ABHD10: variants seen among roughly 807,000 people sequenced by gnomAD.
The protein encoded by ABHD10 is abhydrolase domain containing 10, depalmitoylase, also known as palmitoyl-protein thioesterase ABHD10, mitochondrial.
Under a neutral mutation model 33.1 loss-of-function variants are expected in ABHD10, and 22 were observed. That is an observed-to-expected ratio of 0.66 (90% CI 0.47 to 0.95). ABHD10 has a LOEUF of 0.95. Among genes scored for constraint, ABHD10 ranks in the 40% least tolerant of loss-of-function variants. The probability of loss-of-function intolerance (pLI) is 0.00; values close to 1 mark genes in which losing one functional copy is unlikely to be tolerated. For missense variants in ABHD10, 352 were observed against 379.9 expected, an observed-to-expected ratio of 0.93 and a Z score of 0.61; for synonymous variants, 146 against 133.9, an observed-to-expected ratio of 1.09 and a Z score of -0.62.
rs760479425 is a variant in ABHD10 at position 111,979,072 on chromosome 3, C to G, written c.11C>G (p.Ala4Gly). MAV[A>G]RLAAVAAWVP... ...GGGACAACTACGAAGATGGCGGTTGCGCGCTTGGCAGCTGTGGCGGCCTGG... is the reference window on the plus strand; with the variant it reads ...GGGACAACTACGAAGATGGCGGTTGGGCGCTTGGCAGCTGTGGCGGCCTGG... The change falls in exon 1 of 5, where the codon GCG becomes GGG. Residue 4 changes from alanine to glycine, a missense_variant. Ala to Gly is a moderately conservative substitution (Grantham distance 60). Transcript: ENST00000273359. The G allele has an allele frequency of 6.2e-7, 1 of 1,612,736 alleles. No homozygotes were observed. The highest frequency in any genetic ancestry group is 8.5e-7 in the Non-Finnish European group (1 of 1,179,424).
chr3:111,979,042 G>T lies in ABHD10; in HGVS notation c.-20G>T, dbSNP rs746333403. 2.5e-6 allele frequency: 4 copies of T among 1,610,738 alleles called. No homozygotes were observed. The highest frequency in any genetic ancestry group is 1.1e-5 in the South Asian group (1 of 90,728). ...GTGTCCCTCAGTGGGACACTGCAGG[G>T]TGCGGGGACAACTACGAAGATGGCG... On this transcript the variant is annotated 5_prime_UTR_variant, in exon 1 of 5. Coordinates refer to ENST00000273359, the MANE Select transcript of ABHD10 (RefSeq NM_018394.4).
chr3:111,983,547 G>A (rs1406402001), intron 2 of ABHD10, among the ~76,000 whole-genome samples: 1 of 127,272 alleles, frequency 7.9e-6, no homozygotes, highest in African/African-American at 3.0e-5. Flanking sequence ...TCTTATCAAA[G>A]TTCATCACAG....
At chr3:111,985,766 T>G (rs1022190377) in intron 2 of ABHD10, among the ~76,000 whole-genome samples, 13 of 150,662 alleles carry the variant, frequency 8.6e-5, no homozygotes, top group African/African-American at 3.2e-4. Context: ...AGAGAAAAGC[T>G]GATGAGATGG....
At chr3:111,981,252 C>T (rs540822337) in intron 1 of ABHD10, among the ~76,000 whole-genome samples, 1 of 147,074 alleles carries the variant, frequency 6.8e-6, no homozygotes, top group African/African-American at 2.5e-5. Context: ...GTCCAGGCTG[C>T]CGTAAGCTAG....
chr3:111,987,698 G>A (rs913805168), intron 4 of ABHD10, among the ~76,000 whole-genome samples: 2 of 152,174 alleles, frequency 1.3e-5, no homozygotes, highest in Non-Finnish European at 2.9e-5. Context: ...AAAAAAGACT[G>A]TACACGTTCA....
chr3:111,991,805 G>T lies in ABHD10; in HGVS notation c.*84G>T. On this transcript the variant is annotated 3_prime_UTR_variant, in exon 5 of 5. Transcript: ENST00000273359. ...GAAATGAAAGATCCTGATACTTTAG[G>T]TTTTTCCCTTTCCTCTATTTTGTAA... 1 of 1,095,944 alleles carries T rather than the reference G, an allele frequency of 9.1e-7. No homozygotes were observed. Among genetic ancestry groups the T allele is most frequent in the Non-Finnish European group, 1.3e-6 (1 of 776,228 alleles). The allele number at this position is 1,095,944 out of a possible 1,614,324, so 67.9% of individuals were successfully genotyped here. A position where few individuals can be genotyped will look rare whatever the true frequency, so the allele number is the denominator to read the frequency against.
intron 1 of ABHD10, 34 bp downstream of exon 1, chr3:111,979,237 C>T (rs747676706): frequency 1.7e-5 from 27 of 1,568,206 alleles, no homozygotes; most frequent in Non-Finnish European, 2.2e-5. Context: ...AGGATGCGTT[C>T]TTTCGAACGC....
chr3:111,979,939 T>C (rs1026824830), intron 1 of ABHD10, among the ~76,000 whole-genome samples: 1 of 152,232 alleles, frequency 6.6e-6, no homozygotes, highest in African/African-American at 2.4e-5. Context: ...TCAGATTAAC[T>C]TGCATTTAAT....
chr3:111,991,671 G>A lies in ABHD10; in HGVS notation c.871G>A (p.Val291Ile). The A allele has an allele frequency of 6.2e-7, 1 of 1,613,952 alleles. No individual in the cohort carries two copies. Among genetic ancestry groups the A allele is most frequent in the Non-Finnish European group, 8.5e-7 (1 of 1,179,920 alleles). Residue 291 changes from valine (V) to isoleucine (I), a missense_variant, in exon 5 of 5, where the codon GTT becomes ATT. Physicochemically the swap from Val to Ile is conservative, Grantham distance 29. Coordinates refer to ENST00000273359, the MANE Select transcript of ABHD10 (RefSeq NM_018394.4). ...MREKADIQLL[V>I]YTIDDLIDKL... ...GGAAAAAGCAGACATTCAACTTCTT[G>A]TTTACACTATTGATGACTTAATTGA...
At position 111,991,688 on chromosome 3, in the gene ABHD10, C is replaced by G; in HGVS notation, c.888C>G (p.Asp296Glu). ...AACTTCTTGTTTACACTATTGATGA[C>G]TTAATTGATAAGCTCTCAACTATAG... The part of the protein sequence containing the change: ...DIQLLVYTID[D>E]LIDKLSTIVN The change falls in exon 5 of 5, where the codon GAC becomes GAG. Residue 296 changes from aspartate (D) to glutamate (E), a missense_variant. Physicochemically the swap from Asp to Glu is conservative, Grantham distance 45. Transcript: ENST00000273359. 2 of 1,613,702 alleles carry G rather than the reference C, an allele frequency of 1.2e-6. No homozygotes were observed. The highest frequency in any genetic ancestry group is 1.7e-6 in the Non-Finnish European group (2 of 1,179,786).
At position 111,987,013 on chromosome 3, in the gene ABHD10, G is replaced by A; in HGVS notation, c.538G>A (p.Asp180Asn). 1 of 1,612,996 alleles carries A rather than the reference G, an allele frequency of 6.2e-7. No homozygotes were observed. The highest frequency in any genetic ancestry group is 8.5e-7 in the Non-Finnish European group (1 of 1,179,826). ...TCTTATTGGTGTAGCTACAGCTGCAGATACCTTAGTGACAAAGTTTAATCA... is the reference window on the plus strand; with the variant it reads ...TCTTATTGGTGTAGCTACAGCTGCAAATACCTTAGTGACAAAGTTTAATCA... ...VALIGVATAA[D>N]TLVTKFNQLP... Residue 180 changes from aspartate to asparagine, a missense_variant, in exon 4 of 5, where the codon GAT becomes AAT. Transcript: ENST00000273359.
intron 4 of ABHD10, among the ~76,000 whole-genome samples, chr3:111,988,891 T>C (rs1391060030): frequency 1.3e-5 from 2 of 152,198 alleles, no homozygotes; most frequent in Non-Finnish European, 2.9e-5. Flanking sequence ...TGCCTGGCCA[T>C]GTACATTTCT....
intron 2 of ABHD10, among the ~76,000 whole-genome samples, chr3:111,985,634 C>T (rs2072647292): frequency 7.7e-6 from 1 of 129,518 alleles, no homozygotes; most frequent in Non-Finnish European, 1.7e-5. Flanking sequence ...ATGAAAGCAG[C>T]ACAGTTTTAA....
intron 1 of ABHD10, among the ~76,000 whole-genome samples, chr3:111,979,414 C>T (rs542334224): frequency 6.6e-6 from 1 of 152,252 alleles, no homozygotes; most frequent in Non-Finnish European, 1.5e-5. Flanking sequence ...GCACCCCGGG[C>T]CCTCGCTGGC....
chr3:111,983,872 G>C (rs764178572), intron 2 of ABHD10, among the ~76,000 whole-genome samples: 1 of 152,190 alleles, frequency 6.6e-6, no homozygotes, highest in Admixed American at 6.5e-5. Context: ...AGGCTGCTAA[G>C]ATGGAGATGT....
intron 2 of ABHD10, 195 bp downstream of exon 2, chr3:111,982,162 C>T (rs768632727): frequency 2.2e-5 from 9 of 412,444 alleles, no homozygotes; most frequent in Non-Finnish European, 3.7e-5. Flanking sequence ...CTTTGTGCCA[C>T]GCTGACAACC....
chr3:111,986,370 C>A lies in ABHD10; in HGVS notation c.433C>A (p.Pro145Thr). 6.3e-7 allele frequency: 1 copy of A among 1,597,724 alleles called. No homozygotes were observed. The highest frequency in any genetic ancestry group is 8.6e-7 in the Non-Finnish European group (1 of 1,165,652). ...TATAATTGATGACTTAGCTGATGGG[C>A]CACAGGTGACTGTTTTGTTAAGTAT... ...LSIIDDLADG[P>T]QILVGSSLGG... Residue 145 changes from proline to threonine, a missense_variant, in exon 3 of 5, where the codon CCA becomes ACA. Physicochemically the swap from Pro to Thr is conservative, Grantham distance 38. Coordinates refer to ENST00000273359, the MANE Select transcript of ABHD10 (RefSeq NM_018394.4).
At chr3:111,980,025 TATA>T (rs1249403788) in intron 1 of ABHD10, among the ~76,000 whole-genome samples, 2 of 152,362 alleles carry the variant, frequency 1.3e-5, no homozygotes, top group Middle Eastern at 3.4e-3. Flanking sequence ...TTAACCAGAG[TATA>T]ATATTATTTC....
intron 2 of ABHD10, among the ~76,000 whole-genome samples, chr3:111,984,216 C>G (rs182149889): frequency 1.3e-5 from 2 of 152,276 alleles, no homozygotes; most frequent in Admixed American, 1.3e-4. Context: ...GAAACAGTAA[C>G]TGATTTAGAC....
Sources: gnomAD v4.1 joint callset for allele counts (sites outside exome capture counted in the v4.1 genomes callset) on GRCh38, gnomAD v4.1.1 for gene constraint, MANE v1.5 for transcripts, NCBI Gene and HGNC (gene_info 2026-07-23, HGNC 2026-07-21) for gene names.